CAP2: variants seen among roughly 807,000 people sequenced by gnomAD.
CAP2 encodes the protein adenylyl cyclase-associated protein 2.
Under a neutral mutation model 57.7 loss-of-function variants are expected in CAP2, and 24 were observed. The ratio of observed to expected loss-of-function variants is 0.42; its 90% CI spans 0.30 to 0.58. The LOEUF is 0.58. Among genes scored for constraint, CAP2 ranks in the 20% least tolerant of loss-of-function variants. The probability of loss-of-function intolerance (pLI) is 0.22; values close to 1 mark genes in which losing one functional copy is unlikely to be tolerated. For missense variants in CAP2, 501 were observed against 590.3 expected (o/e 0.85, Z 1.57); for synonymous variants, 194 against 207.2 (o/e 0.94, Z 0.55).
chr6:17,520,116 T>C (rs1762357524), intron 7 of CAP2, among the ~76,000 whole-genome samples: 1 of 150,592 alleles, frequency 6.6e-6, no homozygotes, highest in African/African-American at 2.4e-5. Flanking sequence ...TTGTTTTGTT[T>C]TGTTTTTTTG....
At chr6:17,444,843 C>A (rs946079091) in intron 3 of CAP2, among the ~76,000 whole-genome samples, 4 of 139,632 alleles carry the variant, frequency 2.9e-5, no homozygotes, top group African/African-American at 5.4e-5. Context: ...CACACACACA[C>A]AACACGAGTC....
chr6:17,532,246 T>G (rs1762662169), intron 7 of CAP2, among the ~76,000 whole-genome samples: 1 of 150,278 alleles, frequency 6.7e-6, no homozygotes, highest in Non-Finnish European at 1.5e-5. Flanking sequence ...GTTCAAGTGA[T>G]TCTCCTGCCT....
At chr6:17,517,419 TGTA>T (rs1255375195) in intron 7 of CAP2, among the ~76,000 whole-genome samples, 14 of 152,352 alleles carry the variant, frequency 9.2e-5, no homozygotes, top group African/African-American at 3.4e-4. Flanking sequence ...AAAATATAAA[TGTA>T]GTTGTCTTCC....
At chr6:17,462,184 A>G (rs1760748849) in intron 3 of CAP2, among the ~76,000 whole-genome samples, 1 of 151,820 alleles carries the variant, frequency 6.6e-6, no homozygotes, top group East Asian at 1.9e-4. Flanking sequence ...CCCCTCTACC[A>G]GGGCCCAAAT....
intron 7 of CAP2, chr6:17,536,388 C>G: frequency 2.3e-6 from 1 of 439,654 alleles, no homozygotes. Context: ...GAAACAAGAG[C>G]CCGGTATTGT....
Position 17,528,982 on chromosome 6 carries a change from A to G in CAP2, c.637-10287A>G, listed in dbSNP as rs181445603. ...TGTAATCCCAGCACTTTGGGAGGCC[A>G]AGGCAGGAGGATCACTTAAGCCCAG... On this transcript the variant is annotated intron_variant, in intron 7 of 12. Transcript: ENST00000229922. 5.0e-3 allele frequency among the ~76,000 whole-genome samples: 759 copies of G among 152,216 alleles called. 7 individuals carry two copies. The highest frequency in any genetic ancestry group is 0.017 in the African/African-American group (703 of 41,542).
intron 7 of CAP2, among the ~76,000 whole-genome samples, chr6:17,529,657 T>A (rs376837252): frequency 0.026 from 3,238 of 125,924 alleles, 47 homozygotes; most frequent in Non-Finnish European, 0.035. Context: ...AAAAAATATA[T>A]ATATATATAT....
At chr6:17,509,739 A>G (rs1762096430) in intron 6 of CAP2, among the ~76,000 whole-genome samples, 1 of 152,150 alleles carries the variant, frequency 6.6e-6, no homozygotes, top group Non-Finnish European at 1.5e-5. Context: ...AACTGAAAAC[A>G]TATGTTCACC....
chr6:17,469,932 G>A (rs533803849), intron 4 of CAP2, among the ~76,000 whole-genome samples: 19 of 152,268 alleles, frequency 1.2e-4, no homozygotes, highest in Middle Eastern at 3.4e-3. Flanking sequence ...AAAGCCTAGC[G>A]GCAGTGATCT....
At chr6:17,416,345 T>C (rs1759274711) in intron 1 of CAP2, among the ~76,000 whole-genome samples, 1 of 152,190 alleles carries the variant, frequency 6.6e-6, no homozygotes, top group African/African-American at 2.4e-5. Flanking sequence ...ATGGGATGAC[T>C]TAATAGCTGC....
intron 4 of CAP2, among the ~76,000 whole-genome samples, chr6:17,489,289 G>A (rs1484715282): frequency 2.6e-5 from 4 of 152,028 alleles, no homozygotes; most frequent in East Asian, 1.9e-4. Flanking sequence ...AAAATAAGCC[G>A]GGTGTGGTGG....
At chr6:17,453,231 G>C (rs539475501) in intron 3 of CAP2, among the ~76,000 whole-genome samples, 2 of 152,292 alleles carry the variant, frequency 1.3e-5, no homozygotes, top group East Asian at 3.9e-4. Context: ...GAATGCTAGA[G>C]GGAGCAGACT....
At chr6:17,550,783 G>A (rs574239882) in intron 11 of CAP2, among the ~76,000 whole-genome samples, 26 of 152,032 alleles carry the variant, frequency 1.7e-4, no homozygotes, top group African/African-American at 6.0e-4. Context: ...ACAAAGAATC[G>A]CCTCCTCTTT....
At chr6:17,482,168 A>G (rs989925729) in intron 4 of CAP2, among the ~76,000 whole-genome samples, 4 of 152,220 alleles carry the variant, frequency 2.6e-5, no homozygotes, top group Admixed American at 2.6e-4. Context: ...CTGCTGGAAC[A>G]AAATAACACA....
chr6:17,430,795 C>T (rs1759708821), intron 3 of CAP2, among the ~76,000 whole-genome samples: 1 of 152,170 alleles, frequency 6.6e-6, no homozygotes. Context: ...CCTCAGCCTC[C>T]CAAAGTGCTG....
At chr6:17,411,314 G>C (rs752068809) in intron 1 of CAP2, among the ~76,000 whole-genome samples, 14 of 152,220 alleles carry the variant, frequency 9.2e-5, no homozygotes, top group Admixed American at 6.5e-5. Context: ...GTAAAATAGA[G>C]TGGAATGACT....
At chr6:17,467,235 A>C (rs1466584091) in intron 4 of CAP2, among the ~76,000 whole-genome samples, 6 of 152,190 alleles carry the variant, frequency 3.9e-5, no homozygotes, top group Non-Finnish European at 1.5e-5. Context: ...GATCTACAGA[A>C]ACTGTGAGAT....
chr6:17,427,859 G>A, intron 3 of CAP2, among the ~76,000 whole-genome samples: 1 of 152,222 alleles, frequency 6.6e-6, no homozygotes, highest in Non-Finnish European at 1.5e-5. Context: ...GATGAACCTT[G>A]AGGACATTAT....
chr6:17,485,299 T>C (rs1761393809), intron 4 of CAP2, among the ~76,000 whole-genome samples: 1 of 152,200 alleles, frequency 6.6e-6, no homozygotes. Flanking sequence ...CATAGTAATG[T>C]TATATGCCAA....
Sources: allele counts gnomAD v4.1 joint callset (sites outside exome capture counted in the v4.1 genomes callset), GRCh38; gene constraint gnomAD v4.1.1; transcripts MANE v1.5; gene names NCBI Gene and HGNC (gene_info 2026-07-23, HGNC 2026-07-21).